Variants in SLC1A6 observed in about 807,000 individuals in gnomAD.
SLC1A6 encodes excitatory amino acid transporter 4.
A neutral mutation model predicts 42.1 loss-of-function variants in SLC1A6; 15 were observed. That is an observed-to-expected ratio of 0.36 (90% CI 0.24 to 0.55). SLC1A6 has a LOEUF of 0.55. SLC1A6 is among the 20% of genes least tolerant of loss of function. The pLI is 0.88. For missense variants in SLC1A6, 542 were observed against 772.5 expected, an observed-to-expected ratio of 0.70 and a Z score of 3.54; for synonymous variants, 317 against 319.7, an observed-to-expected ratio of 0.99 and a Z score of 0.09.
chr19:14,997,639 A>C (rs1445263380), intron 1 of SLC1A6, among the ~76,000 whole-genome samples: 1 of 152,174 alleles, frequency 6.6e-6, no homozygotes, highest in Non-Finnish European at 1.5e-5. Flanking sequence ...CCTACCTGTG[A>C]TAGGCAATGC....
At chr19:14,951,539 G>A (rs933785092) in intron 9 of SLC1A6, among the ~76,000 whole-genome samples, 15 of 128,798 alleles carry the variant, frequency 1.2e-4, no homozygotes, top group African/African-American at 4.3e-4. Flanking sequence ...TTTTTGAGAT[G>A]GTGTTTCACT....
intron 4 of SLC1A6, among the ~76,000 whole-genome samples, chr19:14,965,849 C>T (rs1368295545): frequency 7.8e-6 from 1 of 129,006 alleles, no homozygotes; most frequent in Admixed American, 7.8e-5. Flanking sequence ...GACTCTGTTT[C>T]AAAAAAAAAA....
chr19:14,989,816 A>G (rs1032459734), intron 1 of SLC1A6, among the ~76,000 whole-genome samples: 17 of 151,610 alleles, frequency 1.1e-4, no homozygotes, highest in Admixed American at 3.9e-4. Flanking sequence ...ACATGGTGAA[A>G]ACCCATCTGT....
chr19:14,998,434 A>G (rs148643347), intron 1 of SLC1A6, among the ~76,000 whole-genome samples: 1 of 152,236 alleles, frequency 6.6e-6, no homozygotes, highest in East Asian at 1.9e-4. Context: ...CCAGATATTC[A>G]GGTGGCTGAG....
At chr19:15,003,660 C>CAAAAAAAAAAAAAAAAAAAAA (rs371118940) in intron 1 of SLC1A6, among the ~76,000 whole-genome samples, 1 of 121,984 alleles carries the variant, frequency 8.2e-6, no homozygotes, top group African/African-American at 3.1e-5. Flanking sequence ...CATGTAATGC[C>CAAAAAAAAAAAAAAAAAAAAA]AAAAAAAAAA....
At chr19:14,986,835 G>A (rs971665935) in intron 1 of SLC1A6, among the ~76,000 whole-genome samples, 1 of 151,988 alleles carries the variant, frequency 6.6e-6, no homozygotes, top group Admixed American at 6.6e-5. Context: ...GCCTCCCAAG[G>A]TGCTGGAATT....
At chr19:15,008,008 A>G (rs1003868739) in intron 1 of SLC1A6, among the ~76,000 whole-genome samples, 6 of 142,800 alleles carry the variant, frequency 4.2e-5, no homozygotes, top group Non-Finnish European at 9.1e-5. Flanking sequence ...TTGGGAAACA[A>G]GATCAAAAGT....
chr19:14,984,037 C>T (rs1265240048), upstream of SLC1A6, among the ~76,000 whole-genome samples: 3 of 151,916 alleles, frequency 2.0e-5, no homozygotes, highest in Admixed American at 6.6e-5. Context: ...GGGCTGGGTG[C>T]GGTGGCTCAT....
At chr19:14,966,093 C>T (rs1175582715) in intron 4 of SLC1A6, among the ~76,000 whole-genome samples, 2 of 152,138 alleles carry the variant, frequency 1.3e-5, no homozygotes, top group South Asian at 2.1e-4. Flanking sequence ...ATGTACACTA[C>T]TAGTGGGACG....
intron 1 of SLC1A6, among the ~76,000 whole-genome samples, chr19:15,007,553 C>CA (rs35497972): frequency 0.38 from 56,794 of 150,966 alleles, 11,332 homozygotes; most frequent in East Asian, 0.55. Flanking sequence ...TTTCATCTCA[C>CA]AAAAAAAAAT....
chr19:15,002,764 G>C (rs1431445791), intron 1 of SLC1A6, among the ~76,000 whole-genome samples: 10 of 152,198 alleles, frequency 6.6e-5, no homozygotes, highest in Non-Finnish European at 1.5e-4. Context: ...GCACAGGGGA[G>C]GGGATTCAAG....
chr19:14,991,900 A>G (rs2045822196), intron 1 of SLC1A6, among the ~76,000 whole-genome samples: 1 of 150,250 alleles, frequency 6.7e-6, no homozygotes, highest in South Asian at 2.1e-4. Flanking sequence ...ATCTTGGCTC[A>G]CTGCAATCTC....
chr19:15,005,180 A>G (rs866043820), intron 1 of SLC1A6, among the ~76,000 whole-genome samples: 49 of 151,932 alleles, frequency 3.2e-4, no homozygotes, highest in African/African-American at 1.0e-3. Flanking sequence ...GGATTGTTTA[A>G]GCCCAGGAGT....
chr19:14,993,335 G>C (rs1288011311), intron 1 of SLC1A6, among the ~76,000 whole-genome samples: 2 of 151,996 alleles, frequency 1.3e-5, no homozygotes, highest in East Asian at 1.9e-4. Flanking sequence ...TTCCTTCTGG[G>C]GGGGTGAAAG....
chr19:14,958,981 A>G (rs1317458230), intron 6 of SLC1A6, among the ~76,000 whole-genome samples: 4 of 152,272 alleles, frequency 2.6e-5, no homozygotes, highest in Admixed American at 6.5e-5. Context: ...TTGTTAAAGA[A>G]TAAATCTTAA....
chr19:14,969,888 T>C (rs1325268247), intron 3 of SLC1A6, among the ~76,000 whole-genome samples: 1 of 152,178 alleles, frequency 6.6e-6, no homozygotes, highest in Non-Finnish European at 1.5e-5. Context: ...AATTGACCCT[T>C]GAACAGCATG....
intron 1 of SLC1A6, among the ~76,000 whole-genome samples, chr19:14,996,435 A>G (rs1281990571): frequency 2.0e-5 from 3 of 152,058 alleles, no homozygotes; most frequent in Non-Finnish European, 2.9e-5. Flanking sequence ...TATATACATT[A>G]GAATCCTGCC....
intron 1 of SLC1A6, among the ~76,000 whole-genome samples, chr19:15,004,541 A>G (rs1239143541): frequency 6.6e-6 from 1 of 150,584 alleles, no homozygotes; most frequent in Non-Finnish European, 1.5e-5. Flanking sequence ...CACCTCTACA[A>G]AAAAAAAAAA....
rs553442913 is a variant in SLC1A6, at chr19:15,010,194, A to G, written c.6+291T>C. Among the ~76,000 whole-genome samples, 362 of 110,986 alleles carry G rather than the reference A, an allele frequency of 3.3e-3. 4 individuals carry two copies. The highest frequency in any genetic ancestry group is 0.018 in the Middle Eastern group (4 of 222). The allele number at this position is 110,986 out of a possible 152,430, so 72.8% of individuals were successfully genotyped here. On this transcript the variant is annotated intron_variant, in intron 1 of 8. Transcript: ENST00000430939. ...GTGCAAGACTCTATGAAAAAAAAAA[A>G]AAAGAAAGAAAGAAAAAAGAAAGAG...
Sources: allele counts gnomAD v4.1 joint callset (sites outside exome capture counted in the v4.1 genomes callset), GRCh38; gene constraint gnomAD v4.1.1; transcripts MANE v1.5; gene names NCBI Gene and HGNC (gene_info 2026-07-23, HGNC 2026-07-21).